Variants in SLC29A3 observed in about 807,000 individuals in gnomAD.
SLC29A3 encodes the protein solute carrier family 29 member 3.
A neutral mutation model predicts 25.4 loss-of-function variants in SLC29A3; 18 were observed. The ratio of observed to expected loss-of-function variants is 0.71; its 90% confidence interval spans 0.49 to 1.05. The LOEUF is 1.05. Among genes scored for constraint, SLC29A3 ranks in the 50% least tolerant of loss-of-function variants. SLC29A3 has a pLI of 0.00. For missense variants in SLC29A3, 586 were observed against 609.0 expected (o/e 0.96, Z 0.40); for synonymous variants, 258 against 267.1 (o/e 0.97, Z 0.33).
chr10:71,361,889 C>T, intron 5 of SLC29A3, 65 bp from the exon 6 acceptor site: 1 of 1,596,946 alleles, frequency 6.3e-7, no homozygotes, highest in South Asian at 1.1e-5. Flanking sequence ...GAGTGCCCAC[C>T]CCTGGCTGTG....
At chr10:71,325,132 C>T (rs570438594) in intron 2 of SLC29A3, among the ~76,000 whole-genome samples, 1 of 152,186 alleles carries the variant, frequency 6.6e-6, no homozygotes, top group Non-Finnish European at 1.5e-5. Context: ...CCAGCCGCAC[C>T]TTCCAGTGGC....
At chr10:71,378,355 C>T (rs987346690) in intron 4 of SLC29A3, among the ~76,000 whole-genome samples, 1 of 152,154 alleles carries the variant, frequency 6.6e-6, no homozygotes, top group African/African-American at 2.4e-5. Flanking sequence ...GTCTCCCAGC[C>T]AAAGGACCTG....
At chr10:71,346,669 C>T (rs1846592545) in intron 3 of SLC29A3, among the ~76,000 whole-genome samples, 1 of 152,194 alleles carries the variant, frequency 6.6e-6, no homozygotes, top group East Asian at 1.9e-4. Context: ...CACGTCACTG[C>T]ACTCCAGCCT....
At chr10:71,331,647 C>A (rs1322658233) in intron 2 of SLC29A3, among the ~76,000 whole-genome samples, 1 of 152,200 alleles carries the variant, frequency 6.6e-6, no homozygotes, top group Non-Finnish European at 1.5e-5. Context: ...AAATAAAATT[C>A]TGGTCGTGAC....
chr10:71,349,871 C>T (rs1302741805), intron 3 of SLC29A3, among the ~76,000 whole-genome samples: 3 of 152,224 alleles, frequency 2.0e-5, no homozygotes, highest in African/African-American at 4.8e-5. Flanking sequence ...TGGCCTTCCA[C>T]GATGCCCAGG....
chr10:71,336,950 G>T (rs1003529852), intron 2 of SLC29A3, among the ~76,000 whole-genome samples: 1 of 152,170 alleles, frequency 6.6e-6, no homozygotes, highest in Non-Finnish European at 1.5e-5. Flanking sequence ...GAGGCCAAAG[G>T]AGGGACGGTT....
intron 2 of SLC29A3, among the ~76,000 whole-genome samples, chr10:71,334,662 C>T (rs1201837328): frequency 3.9e-5 from 6 of 152,094 alleles, no homozygotes; most frequent in Admixed American, 2.6e-4. Flanking sequence ...GAGACAGGGA[C>T]AGGAGGAAGA....
chr10:71,345,178 T>A (rs1192431999), intron 3 of SLC29A3, among the ~76,000 whole-genome samples: 1 of 152,200 alleles, frequency 6.6e-6, no homozygotes, highest in Non-Finnish European at 1.5e-5. Context: ...TCCAAACATA[T>A]TATGTCATGG....
At chr10:71,342,071 C>T (rs1846423384) in intron 2 of SLC29A3, among the ~76,000 whole-genome samples, 1 of 152,176 alleles carries the variant, frequency 6.6e-6, no homozygotes, top group Non-Finnish European at 1.5e-5. Flanking sequence ...GAAGCAGCCA[C>T]AGGTCTCATC....
At chr10:71,323,545 A>G (rs1320644006) in intron 2 of SLC29A3, among the ~76,000 whole-genome samples, 1 of 152,264 alleles carries the variant, frequency 6.6e-6, no homozygotes, top group African/African-American at 2.4e-5. Flanking sequence ...CTGTACGAAC[A>G]CTTCCTGGAA....
At chr10:71,367,793 C>T (rs1310573088), downstream of SLC29A3, among the ~76,000 whole-genome samples, 1 of 152,208 alleles carries the variant, frequency 6.6e-6, no homozygotes, top group Non-Finnish European at 1.5e-5. Flanking sequence ...GTTAGAGGAG[C>T]TCCAGGGCCA....
chr10:71,344,542 G>A (rs1303870680), intron 3 of SLC29A3, among the ~76,000 whole-genome samples: 1 of 152,224 alleles, frequency 6.6e-6, no homozygotes, highest in East Asian at 1.9e-4. Flanking sequence ...CAGCCAGTGG[G>A]AAGTGTGTGG....
At position 71,356,375 on chromosome 10, in the gene SLC29A3, G is replaced by A; in HGVS notation, c.773+132G>A. ...GCTCAAAGCAGTTGTTCAACAAATA[G>A]GCTTGGCTGGTGGACGTGAGAGGCT... is the stretch of plus-strand genomic sequence containing the variant. On this transcript the variant is annotated intron_variant, in intron 5 of 5. Coordinates refer to ENST00000373189, the MANE Select transcript of SLC29A3 (RefSeq NM_018344.6). 1.7e-6 allele frequency: 2 copies of A among 1,165,564 alleles called. 1 individual carries two copies. Among genetic ancestry groups the A allele is most frequent in the South Asian group, 3.0e-5 (2 of 66,288 alleles). The allele number at this position is 1,165,564 out of a possible 1,614,324, so 72.2% of individuals were successfully genotyped here.
rs763597487 is a variant in SLC29A3, at chr10:71,362,671, G to A, written c.*63G>A. 4.4e-6 allele frequency: 7 copies of A among 1,607,284 alleles called. No individual in the cohort carries two copies. Among genetic ancestry groups the A allele is most frequent in the Non-Finnish European group, 6.0e-6 (7 of 1,175,554 alleles). ...TGAAGATGAGAAGAGAGTGCAGGAGGGCTGGGGGCCATGGAGGAAAGGCCT... is the reference window on the plus strand; with the variant it reads ...TGAAGATGAGAAGAGAGTGCAGGAGAGCTGGGGGCCATGGAGGAAAGGCCT... On this transcript the variant is annotated 3_prime_UTR_variant, in exon 6 of 6. Transcript: ENST00000373189.
At chr10:71,346,490 G>A (rs1428845721) in intron 3 of SLC29A3, among the ~76,000 whole-genome samples, 1 of 152,138 alleles carries the variant, frequency 6.6e-6, no homozygotes, top group Non-Finnish European at 1.5e-5. Flanking sequence ...CTTGAGCCCA[G>A]GAGTTTGAGA....
At chr10:71,329,155 G>A (rs1846057649) in intron 2 of SLC29A3, among the ~76,000 whole-genome samples, 1 of 152,162 alleles carries the variant, frequency 6.6e-6, no homozygotes, top group Admixed American at 6.5e-5. Context: ...ATGAAACCAA[G>A]GCTCACAGAT....
chr10:71,327,734 A>G (rs1011869690), intron 2 of SLC29A3, among the ~76,000 whole-genome samples: 1 of 112,006 alleles, frequency 8.9e-6, no homozygotes, highest in African/African-American at 3.5e-5. Context: ...CTTTGACTCC[A>G]CCAAACACCA....
At chr10:71,320,083 C>G (rs1324032113) in intron 1 of SLC29A3, among the ~76,000 whole-genome samples, 1 of 152,182 alleles carries the variant, frequency 6.6e-6, no homozygotes, top group Non-Finnish European at 1.5e-5. Context: ...GTGCCCTGGC[C>G]TGTGACCCTG....
At chr10:71,345,577 C>G (rs556178473) in intron 3 of SLC29A3, among the ~76,000 whole-genome samples, 149 of 152,350 alleles carry the variant, frequency 9.8e-4, no homozygotes, top group African/African-American at 3.3e-3. Context: ...GAATTTGCAC[C>G]CTTCTCCAAA....
Sources: allele counts gnomAD v4.1 joint callset (sites outside exome capture counted in the v4.1 genomes callset), GRCh38; gene constraint gnomAD v4.1.1; transcripts MANE v1.5; gene names NCBI Gene and HGNC (gene_info 2026-07-23, HGNC 2026-07-21).